MBNL1: variants seen among roughly 807,000 people sequenced by gnomAD.
The protein encoded by MBNL1 is muscleblind-like protein 1.
Under a neutral mutation model 42.2 loss-of-function variants are expected in MBNL1, and 8 were observed. That is an observed-to-expected ratio of 0.19 (90% CI 0.11 to 0.34). MBNL1 has a LOEUF of 0.34. Ranked by LOEUF, MBNL1 falls within the 10% of genes least tolerant of loss-of-function variation. The pLI is 1.00. For missense variants in MBNL1, 309 were observed against 495.3 expected (o/e 0.62, Z 3.57); for synonymous variants, 169 against 173.9 (o/e 0.97, Z 0.22).
intron 1 of MBNL1, among the ~76,000 whole-genome samples, chr3:152,292,902 G>A (rs2056765126): frequency 6.6e-6 from 1 of 151,594 alleles, no homozygotes; most frequent in Non-Finnish European, 1.5e-5. Context: ...CTGAGTAATT[G>A]GGACTACAGG....
intron 2 of MBNL1, among the ~76,000 whole-genome samples, chr3:152,398,106 GAAATTTGAAATTATTTT>G (rs1242243355): frequency 6.6e-6 from 1 of 152,112 alleles, no homozygotes; most frequent in East Asian, 1.9e-4. Flanking sequence ...TTTTAAAAAT[GAAATTTGAAATTATTTT>G]AAATTATAGT....
At chr3:152,264,286 T>C (rs1264334356), upstream of MBNL1, 4 of 152,168 alleles carry the variant, frequency 2.6e-5, no homozygotes, top group African/African-American at 7.2e-5. Flanking sequence ...CAATAAATGT[T>C]TGTGAAATGA....
chr3:152,318,325 A>C (rs2073678746), intron 2 of MBNL1, among the ~76,000 whole-genome samples: 1 of 152,216 alleles, frequency 6.6e-6, no homozygotes, highest in Admixed American at 6.5e-5. Context: ...CAAAACTTAA[A>C]ACGGATACTG....
In MBNL1 at chr3:152,463,649, C is replaced by G. The variant is rs907588934; in HGVS notation, c.*1283C>G. 6.6e-6 allele frequency: 1 copy of G among 151,758 alleles called. No homozygotes were observed. Among genetic ancestry groups the G allele is most frequent in the Admixed American group, 6.6e-5 (1 of 15,204 alleles). The allele number at this position is 151,758 out of a possible 1,614,324, so 9.4% of individuals were successfully genotyped here. Reference sequence around the variant, plus strand: ...GATTTTTGTTTTGTTTTGTTTTGTTCAGATTAACTGCTTATAGCCTTAGAA... The same window carrying G: ...GATTTTTGTTTTGTTTTGTTTTGTTGAGATTAACTGCTTATAGCCTTAGAA... On this transcript the variant is annotated 3_prime_UTR_variant, in exon 10 of 10. Coordinates refer to ENST00000324210, the MANE Select transcript of MBNL1 (RefSeq NM_021038.5).
intron 2 of MBNL1, among the ~76,000 whole-genome samples, chr3:152,252,765 A>G (rs1252608223): frequency 3.9e-5 from 6 of 152,142 alleles, no homozygotes; most frequent in African/African-American, 1.2e-4. Flanking sequence ...TACGGAAAAA[A>G]TAATTATGTA....
chr3:152,405,403 G>A (rs2098403522), intron 2 of MBNL1, among the ~76,000 whole-genome samples: 1 of 152,158 alleles, frequency 6.6e-6, no homozygotes, highest in Admixed American at 6.5e-5. Flanking sequence ...ATTAACATTG[G>A]TAAAGTTTTG....
intron 2 of MBNL1, among the ~76,000 whole-genome samples, chr3:152,365,475 C>T (rs1012513202): frequency 6.6e-6 from 1 of 152,054 alleles, no homozygotes; most frequent in Admixed American, 6.6e-5. Flanking sequence ...AATTTTGATA[C>T]CTTAAATTGG....
intron 2 of MBNL1, among the ~76,000 whole-genome samples, chr3:152,407,904 C>T (rs1472479111): frequency 6.6e-6 from 1 of 151,986 alleles, no homozygotes; most frequent in Admixed American, 6.6e-5. Flanking sequence ...CCACATGTTC[C>T]CACTTATAAG....
At chr3:152,288,259 C>T (rs2053754357) in intron 1 of MBNL1, among the ~76,000 whole-genome samples, 1 of 152,152 alleles carries the variant, frequency 6.6e-6, no homozygotes, top group Non-Finnish European at 1.5e-5. Context: ...TCCAAGAGGA[C>T]ATACATGCAA....
chr3:152,347,446 T>A (rs982695498), intron 2 of MBNL1, among the ~76,000 whole-genome samples: 20 of 152,154 alleles, frequency 1.3e-4, no homozygotes, highest in Admixed American at 3.3e-4. Context: ...AAATGTATTT[T>A]AAATTTAGGT....
chr3:152,443,137 A>G (rs986705884), intron 4 of MBNL1, among the ~76,000 whole-genome samples: 16 of 151,442 alleles, frequency 1.1e-4, no homozygotes, highest in African/African-American at 3.9e-4. Context: ...ACAGGAGAGT[A>G]AAGAACATGA....
chr3:152,343,554 G>T (rs746532853), intron 2 of MBNL1, among the ~76,000 whole-genome samples: 1 of 152,076 alleles, frequency 6.6e-6, no homozygotes, highest in Non-Finnish European at 1.5e-5. Context: ...ATCCAGAAAC[G>T]GTACAGAAGA....
At chr3:152,345,213 C>T (rs1300584500) in intron 2 of MBNL1, among the ~76,000 whole-genome samples, 1 of 152,042 alleles carries the variant, frequency 6.6e-6, no homozygotes, top group African/African-American at 2.4e-5. Flanking sequence ...AAAAGTTAAA[C>T]TCATCGTAAA....
chr3:152,354,575 A>G (rs1486846087), intron 2 of MBNL1, among the ~76,000 whole-genome samples: 2 of 151,816 alleles, frequency 1.3e-5, no homozygotes, highest in Non-Finnish European at 2.9e-5. Flanking sequence ...TAATAAAGCA[A>G]TTTGCTTTAT....
intron 2 of MBNL1, among the ~76,000 whole-genome samples, chr3:152,310,999 G>A (rs2066076254): frequency 7.3e-6 from 1 of 136,458 alleles, no homozygotes; most frequent in South Asian, 2.3e-4. Flanking sequence ...AGAACCATGA[G>A]ACTTTTTTTT....
chr3:152,299,118 C>T (rs755648681), intron 1 of MBNL1: 4 of 152,634 alleles, frequency 2.6e-5, no homozygotes, highest in Non-Finnish European at 5.9e-5. Flanking sequence ...AGACAACCCA[C>T]ACTATTGGCT....
At chr3:152,397,180 T>C (rs1348806863) in intron 2 of MBNL1, among the ~76,000 whole-genome samples, 4 of 152,182 alleles carry the variant, frequency 2.6e-5, no homozygotes, top group Admixed American at 2.6e-4. Context: ...ATTCTAAGAC[T>C]TGTTAGGTTT....
At chr3:152,355,913 C>A (rs915611449) in intron 2 of MBNL1, among the ~76,000 whole-genome samples, 7 of 152,192 alleles carry the variant, frequency 4.6e-5, no homozygotes, top group Non-Finnish European at 7.3e-5. Flanking sequence ...TCATGTGCAA[C>A]ATGTGTTGTG....
chr3:152,321,041 C>T (rs2076189067), intron 2 of MBNL1, among the ~76,000 whole-genome samples: 1 of 152,070 alleles, frequency 6.6e-6, no homozygotes, highest in Non-Finnish European at 1.5e-5. Context: ...TATTAACTTG[C>T]TCCTTATTTT....
Sources: allele counts gnomAD v4.1 joint callset (sites outside exome capture counted in the v4.1 genomes callset), GRCh38; gene constraint gnomAD v4.1.1; transcripts MANE v1.5; gene names NCBI Gene and HGNC (gene_info 2026-07-23, HGNC 2026-07-21).